MAPK8IP3: variants seen among roughly 807,000 people sequenced by gnomAD.
MAPK8IP3 encodes the protein mitogen-activated protein kinase 8 interacting protein 3.
Under a neutral mutation model 157.8 loss-of-function variants are expected in MAPK8IP3, and 49 were observed. The ratio of observed to expected loss-of-function variants is 0.31; its 90% CI spans 0.25 to 0.39. The LOEUF is 0.39. MAPK8IP3 is among the 10% of genes least tolerant of loss of function. The pLI is 1.00. For missense variants in MAPK8IP3, 1,478 were observed against 1,889.4 expected, an observed-to-expected ratio of 0.78 and a Z score of 4.04; for synonymous variants, 897 against 777.7, an observed-to-expected ratio of 1.15 and a Z score of -2.55.
At chr16:1,753,132 C>T (rs1294225850) in intron 8 of MAPK8IP3, among the ~76,000 whole-genome samples, 1 of 152,228 alleles carries the variant, frequency 6.6e-6, no homozygotes. Flanking sequence ...GACATCCCTC[C>T]GTCCAGCGTC....
chr16:1,730,700 G>A (rs1016776877), intron 4 of MAPK8IP3, among the ~76,000 whole-genome samples: 5 of 152,090 alleles, frequency 3.3e-5, no homozygotes, highest in Admixed American at 6.5e-5. Flanking sequence ...AAAATTAGCC[G>A]GGTGTGGTGG....
intron 6 of MAPK8IP3, among the ~76,000 whole-genome samples, chr16:1,748,041 G>A (rs2294614): frequency 9.2e-5 from 14 of 152,022 alleles, no homozygotes; most frequent in African/African-American, 2.2e-4. Context: ...AACCCACCCC[G>A]CTCCAGGCCC....
At chr16:1,727,106 C>T (rs963907238) in intron 2 of MAPK8IP3, among the ~76,000 whole-genome samples, 4 of 144,580 alleles carry the variant, frequency 2.8e-5, no homozygotes, top group African/African-American at 7.8e-5. Flanking sequence ...CCGTGTGGAG[C>T]GTCTGTGTGA....
chr16:1,747,228 G>A lies in MAPK8IP3; in HGVS notation c.947G>A (p.Arg316His), dbSNP rs771201080. The change falls in exon 6 of 32, where the codon CGC becomes CAC. Residue 316 changes from arginine to histidine, a missense_variant. Transcript: ENST00000610761. ...CGTGCCCGGGAGAAGCGCGACAGCC[G>A]CAACATGGAAGTACAGGTCACCCAG... ...SKRAREKRDS[R>H]NMEVQVTQEM... The A allele has an allele frequency of 6.8e-6, 11 of 1,613,698 alleles. No homozygotes were observed. The highest frequency in any genetic ancestry group is 2.2e-5 in the East Asian group (1 of 44,896).
rs546321395 is a variant in MAPK8IP3 at position 1,724,497 on chromosome 16, A to G, written c.319-60A>G. 25 of 1,577,752 alleles carry G rather than the reference A, an allele frequency of 1.6e-5. 1 individual carries two copies. In the East Asian group the frequency reaches 5.4e-4, roughly 34 times the overall value. ...CTCAAAGCCTGCGGCCCTTCAAGTG[A>G]AAGGCGGCTGCTCCACACTCACTCC... On this transcript the variant is annotated intron_variant, in intron 1 of 31. Coordinates refer to ENST00000610761, the MANE Select transcript of MAPK8IP3 (RefSeq NM_001318852.2). This position sits in a 1 kb window ranked among gnomAD's most constrained non-coding sequence, Gnocchi z 4.1.
chr16:1,737,769 C>CGT (rs1418536334), intron 4 of MAPK8IP3, among the ~76,000 whole-genome samples: 1 of 11,530 alleles, frequency 8.7e-5, no homozygotes, highest in Non-Finnish European at 1.2e-4. Flanking sequence ...TGTGACCATC[C>CGT]GTGTGAGTGA....
Position 1,748,690 on chromosome 16 carries a change from G to A in MAPK8IP3, c.1186G>A (p.Gly396Arg), listed in dbSNP as rs774988480. The change falls in exon 8 of 32, where the codon GGG becomes AGG. Residue 396 changes from glycine to arginine, a missense_variant. Transcript: ENST00000610761. Reference protein sequence around the residue: ...ELSTAGSEVIGDVDEGADLLG... With the variant: ...ELSTAGSEVIRDVDEGADLLG... Reference sequence around the variant, plus strand: ...GTCGACGGCAGGGTCTGAGGTCATCGGGGATGTGGACGAAGGGGCCGACCT... The same window carrying A: ...GTCGACGGCAGGGTCTGAGGTCATCAGGGATGTGGACGAAGGGGCCGACCT... The A allele has an allele frequency of 3.7e-6, 6 of 1,614,224 alleles. No individual in the cohort carries two copies. Among genetic ancestry groups the A allele is most frequent in the South Asian group, 1.1e-5 (1 of 91,090 alleles).
intron 17 of MAPK8IP3, 54 bp downstream of exon 17, chr16:1,763,837 GTAAGGGGCGGGGCGC>G: frequency 2.7e-6 from 1 of 375,122 alleles, no homozygotes; most frequent in East Asian, 8.4e-5. Context: ...CGGGGCGGGG[GTAAGGGGCGGGGCGC>G]TGTGGGGCGG....
intron 4 of MAPK8IP3, among the ~76,000 whole-genome samples, chr16:1,739,540 A>G (rs36196143): frequency 0.11 from 7,121 of 62,646 alleles, 1,027 homozygotes; most frequent in East Asian, 0.21. Flanking sequence ...CCGTGTGACC[A>G]TCCGTGTGAG....
At chr16:1,734,744 A>G (rs117383277) in intron 4 of MAPK8IP3, among the ~76,000 whole-genome samples, 3,682 of 152,350 alleles carry the variant, frequency 0.024, 49 homozygotes, top group Non-Finnish European at 0.041. Context: ...CTTGGGGGAC[A>G]CATATTTGAG....
At chr16:1,746,890 A>G in intron 5 of MAPK8IP3, 139 bp from the exon 6 acceptor site, 3 of 1,062,756 alleles carry the variant, frequency 2.8e-6, no homozygotes, top group Non-Finnish European at 4.0e-6. Flanking sequence ...GGTGGGCGGC[A>G]GAGGAGCTCT....
chr16:1,737,921 ACCAT>A (rs1437903629), intron 4 of MAPK8IP3, among the ~76,000 whole-genome samples: 1 of 46,950 alleles, frequency 2.1e-5, no homozygotes, highest in Non-Finnish European at 3.8e-5. Context: ...CGTGTGTGTG[ACCAT>A]CCATGTGAGC....
chr16:1,758,997 T>G lies in MAPK8IP3; in HGVS notation c.1246+2T>G. 3 of 1,614,182 alleles carry G rather than the reference T, an allele frequency of 1.9e-6. No individual in the cohort carries two copies. Among genetic ancestry groups the G allele is most frequent in the Non-Finnish European group, 2.5e-6 (3 of 1,180,018 alleles). ...CCCTAGTGCGCGATGATTTCTTTGG[T>G]AAGGCTGAGGCCCCGTTCCAGCGTG... is the stretch of plus-strand genomic sequence containing the variant. On this transcript the variant is annotated splice_donor_variant, in intron 10 of 31. Transcript: ENST00000610761. LOFTEE classifies it high-confidence loss of function.
chr16:1,718,210 G>A (rs1396659159), intron 1 of MAPK8IP3, among the ~76,000 whole-genome samples: 2 of 146,322 alleles, frequency 1.4e-5, no homozygotes, highest in African/African-American at 2.6e-5. Context: ...TTGAAGCAGA[G>A]TTTCACTCTT....
At chr16:1,746,973 C>T (rs574399529) in intron 5 of MAPK8IP3, 56 bp from the exon 6 acceptor site, 38 of 1,580,256 alleles carry the variant, frequency 2.4e-5, no homozygotes, top group East Asian at 2.0e-4. Flanking sequence ...ACGGCGGAGC[C>T]GCAGGCCAGG....
chr16:1,764,583 G>A, intron 19 of MAPK8IP3, 124 bp downstream of exon 19: 1 of 1,327,316 alleles, frequency 7.5e-7, no homozygotes, highest in East Asian at 2.5e-5. Flanking sequence ...GGGCAGCGCA[G>A]GGGCTCCTAG....
chr16:1,744,848 C>T lies in MAPK8IP3; in HGVS notation c.747+1372C>T, dbSNP rs897680777. Reference sequence around the variant, plus strand: ...CATAGGAGTGTTTTATTTGATTTTTCTTTATTTTAAATTATTACATTTAAG... The same window carrying T: ...CATAGGAGTGTTTTATTTGATTTTTTTTTATTTTAAATTATTACATTTAAG... On this transcript the variant is annotated intron_variant, in intron 5 of 31. Coordinates refer to ENST00000610761, the MANE Select transcript of MAPK8IP3 (RefSeq NM_001318852.2). The T allele has an allele frequency of 2.7e-5, 26 of 977,320 alleles. No individual in the cohort carries two copies. In the African/African-American group the frequency reaches 4.4e-4, roughly 16 times the overall value. 60.5% of individuals were successfully genotyped at this position (977,320 alleles called of 1,614,324 possible).
chr16:1,739,085 C>T lies in MAPK8IP3; in HGVS notation c.603-4247C>T, dbSNP rs1251395945. On this transcript the variant is annotated intron_variant, in intron 4 of 31. Coordinates refer to ENST00000610761, the MANE Select transcript of MAPK8IP3 (RefSeq NM_001318852.2). ...GAGCGTCCGTGTGAGTGTGACCATC[C>T]ATGTGAGCATCTGTGTGACCGTCTG... 9.7e-5 allele frequency among the ~76,000 whole-genome samples: 12 copies of T among 123,376 alleles called. No individual in the cohort carries two copies. The Admixed American group carries it at 9.8e-4, about 10-fold the overall frequency. The allele number at this position is 123,376 out of a possible 152,430, so 80.9% of individuals were successfully genotyped here.
At chr16:1,714,381 T>C (rs11865689) in intron 1 of MAPK8IP3, among the ~76,000 whole-genome samples, 17,430 of 152,160 alleles carry the variant, frequency 0.11, 1,396 homozygotes, top group African/African-American at 0.23. Context: ...ACAGCATCAT[T>C]ACTCTGGTGC....
Sources: allele counts gnomAD v4.1 joint callset (sites outside exome capture counted in the v4.1 genomes callset), GRCh38; gene constraint gnomAD v4.1.1; non-coding constraint Gnocchi (gnomAD v3.1); transcripts MANE v1.5; gene names NCBI Gene and HGNC (gene_info 2026-07-23, HGNC 2026-07-21).